FAAH2: variants seen among roughly 807,000 people sequenced by gnomAD.
FAAH2 encodes the protein fatty acid amide hydrolase 2, also known as fatty-acid amide hydrolase 2.
Under a neutral mutation model 36.9 loss-of-function variants are expected in FAAH2, and 60 were observed. The observed-to-expected ratio is 1.63, with a 90% CI of 1.32 to 2.02. The LOEUF (loss-of-function observed/expected upper bound fraction) is 2.02, where lower values mean the gene tolerates loss of function less well. Among genes scored for constraint, FAAH2 ranks in the 30% most tolerant of loss-of-function variants. FAAH2 has a pLI of 0.00. For synonymous variants in FAAH2, 214 were observed against 143.8 expected (o/e 1.49, Z -3.49); for missense variants, 689 against 397.5 (o/e 1.73, Z -6.23).
At chrX:57,455,279 C>T (rs746610351) in intron 10 of FAAH2, among the ~76,000 whole-genome samples, 1 of 111,326 alleles carries the variant, frequency 9.0e-6, no homozygotes, top group Admixed American at 9.6e-5. Context: ...ACCAGACCAC[C>T]CTTACCCGAG....
the FAAH2 span, among the ~76,000 whole-genome samples, chrX:57,216,598 G>GTATATATATATACGTATATATACGTA: frequency 2.1e-4 from 1 of 4,687 alleles, no homozygotes; most frequent in African/African-American, 4.1e-4. Context: ...GTATATATAT[G>GTATATATATATACGTATATATACGTA]TATATATATA....
chrX:57,479,843 G>A (rs773673174), intron 10 of FAAH2, among the ~76,000 whole-genome samples: 24 of 110,949 alleles, frequency 2.2e-4, no homozygotes, highest in Non-Finnish European at 4.2e-4. Flanking sequence ...TGGTGGATAA[G>A]TTTTAATTGA....
At chrX:57,295,298 T>C (rs1478615057) in intron 2 of FAAH2, among the ~76,000 whole-genome samples, 1 of 112,367 alleles carries the variant, frequency 8.9e-6, no homozygotes, top group Non-Finnish European at 1.9e-5. Flanking sequence ...TGAAAGGCTA[T>C]TGTTGAAACA....
intron 10 of FAAH2, among the ~76,000 whole-genome samples, chrX:57,486,908 A>G (rs1401339507): frequency 8.9e-6 from 1 of 111,815 alleles, no homozygotes; most frequent in Non-Finnish European, 1.9e-5. Flanking sequence ...TAGTAGTTGG[A>G]TTTATGTGAC....
the FAAH2 span, among the ~76,000 whole-genome samples, chrX:57,232,377 C>G: frequency 9.0e-4 from 101 of 111,965 alleles, no homozygotes; most frequent in Non-Finnish European, 1.6e-3. Flanking sequence ...AGATTGTTCT[C>G]AATGGGGAAC....
chrX:57,471,043 C>T (rs2057155361), intron 10 of FAAH2, among the ~76,000 whole-genome samples: 1 of 111,890 alleles, frequency 8.9e-6, no homozygotes, highest in Admixed American at 9.5e-5. Flanking sequence ...CAATATTCAA[C>T]AGCCCTTCAT....
chrX:57,294,518 T>C (rs959397704), intron 2 of FAAH2, among the ~76,000 whole-genome samples: 1 of 111,820 alleles, frequency 8.9e-6, no homozygotes, highest in Non-Finnish European at 1.9e-5. Flanking sequence ...CCCAAATCTA[T>C]CTTCTAACTC....
chrX:57,328,883 G>A, intron 3 of FAAH2, among the ~76,000 whole-genome samples: 1 of 111,347 alleles, frequency 9.0e-6, no homozygotes, highest in Non-Finnish European at 1.9e-5. Flanking sequence ...ACTGGTATGA[G>A]GTCCCCACTT....
intron 7 of FAAH2, among the ~76,000 whole-genome samples, chrX:57,382,002 G>A (rs1408563690): frequency 1.8e-5 from 2 of 111,490 alleles, no homozygotes; most frequent in African/African-American, 6.5e-5. Flanking sequence ...AAACAAACTA[G>A]AACTCAGGAT....
chrX:57,215,406 G>A, the FAAH2 span, among the ~76,000 whole-genome samples: 15 of 111,736 alleles, frequency 1.3e-4, no homozygotes, highest in African/African-American at 4.6e-4. Flanking sequence ...AGACAGTGTG[G>A]CAATTCCTCA....
chrX:57,204,163 G>C, the FAAH2 span, among the ~76,000 whole-genome samples: 1 of 111,189 alleles, frequency 9.0e-6, no homozygotes, highest in Non-Finnish European at 1.9e-5. Flanking sequence ...GTTCTGCAAT[G>C]CAATCTTCCC....
intron 5 of FAAH2, among the ~76,000 whole-genome samples, chrX:57,350,584 C>T (rs1342976604): frequency 9.9e-5 from 11 of 110,560 alleles, no homozygotes; most frequent in African/African-American, 2.0e-4. Flanking sequence ...TGGTAAAAAA[C>T]GATCTAACCA....
the FAAH2 span, among the ~76,000 whole-genome samples, chrX:57,210,732 A>G: frequency 2.8e-4 from 31 of 112,612 alleles, no homozygotes; most frequent in African/African-American, 1.0e-3. Context: ...TGAAGATGGT[A>G]CTGGAAGTCC....
At chrX:57,259,169 C>T in the FAAH2 span, among the ~76,000 whole-genome samples, 2 of 111,459 alleles carry the variant, frequency 1.8e-5, no homozygotes, top group Non-Finnish European at 3.8e-5. Context: ...TTGGTATAGT[C>T]ATTATGAAAA....
chrX:57,128,237 C>A, the FAAH2 span, among the ~76,000 whole-genome samples: 3 of 111,561 alleles, frequency 2.7e-5, no homozygotes, highest in African/African-American at 9.8e-5. Context: ...TGTAAAAGAA[C>A]CTTTCCAGAT....
intron 7 of FAAH2, chrX:57,393,790 C>T: frequency 1.1e-6 from 1 of 894,897 alleles, no homozygotes; most frequent in East Asian, 3.1e-5. Flanking sequence ...TGTGACTTTT[C>T]TTCGTTGGAG....
chrX:57,253,535 C>A, the FAAH2 span, among the ~76,000 whole-genome samples: 1 of 111,576 alleles, frequency 9.0e-6, no homozygotes, highest in African/African-American at 3.3e-5. Flanking sequence ...TCAGGTTACC[C>A]GCAAAAGGAA....
At chrX:57,458,700 T>G (rs1425055522) in intron 10 of FAAH2, among the ~76,000 whole-genome samples, 2 of 111,468 alleles carry the variant, frequency 1.8e-5, no homozygotes, top group Non-Finnish European at 3.8e-5. Flanking sequence ...GAAGCAGTGT[T>G]GGGCATTGCC....
chrX:57,447,025 C>T lies in FAAH2; in HGVS notation c.1214C>T (p.Thr405Ile), dbSNP rs775586547. ...IKWCLGLSVY[T>I]IPSIGLALLE... ...TGGTGCCTGGGTCTGTCAGTGTACA[C>T]CATCCCTTCCATTGGTATGTAAATC... The change falls in exon 9 of 11, where the codon ACC (threonine) becomes ATC (isoleucine). Residue 405 changes from threonine (T) to isoleucine (I), a missense_variant. By Grantham distance (89) the Thr-to-Ile change is moderately conservative. Transcript: ENST00000374900. The T allele has an allele frequency of 2.5e-6, 3 of 1,180,894 alleles. No homozygotes were observed. Among genetic ancestry groups the T allele is most frequent in the East Asian group, 6.0e-5 (2 of 33,472 alleles).
Sources: allele counts gnomAD v4.1 joint callset (sites outside exome capture counted in the v4.1 genomes callset), GRCh38; gene constraint gnomAD v4.1.1; transcripts MANE v1.5; gene names NCBI Gene and HGNC (gene_info 2026-07-23, HGNC 2026-07-21).